Variants in ZNRF1 observed in about 807,000 individuals in gnomAD.
ZNRF1 encodes the protein E3 ubiquitin-protein ligase ZNRF1.
ZNRF1 carries 3 observed loss-of-function variants against 18.4 expected under a neutral mutation model. That is an observed-to-expected ratio of 0.16 (90% confidence interval 0.07 to 0.42). The LOEUF is 0.42. Among genes scored for constraint, ZNRF1 ranks in the 10% least tolerant of loss-of-function variants. The probability of loss-of-function intolerance (pLI) is 0.99; values close to 1 mark genes in which losing one functional copy is unlikely to be tolerated. For missense variants in ZNRF1, 310 were observed against 329.8 expected (o/e 0.94, Z 0.47); for synonymous variants, 157 against 144.2 (o/e 1.09, Z -0.64).
intron 1 of ZNRF1, among the ~76,000 whole-genome samples, chr16:75,031,678 T>C (rs946490456): frequency 7.2e-5 from 11 of 152,068 alleles, no homozygotes; most frequent in African/African-American, 2.4e-4. Context: ...GGCTAATTTT[T>C]TGTATTTTCC....
chr16:75,089,868 T>A (rs1464129320), intron 1 of ZNRF1, among the ~76,000 whole-genome samples: 1 of 152,206 alleles, frequency 6.6e-6, no homozygotes, highest in Non-Finnish European at 1.5e-5. Context: ...GGAATCACGC[T>A]GGAATACAGG....
In ZNRF1 at chr16:75,027,047, T is replaced by C. The variant is rs1279692558; in HGVS notation, c.424+26952T>C. Among the ~76,000 whole-genome samples the C allele has an allele frequency of 2.6e-5, 4 of 152,206 alleles. No homozygotes were observed. The South Asian group carries it at 6.2e-4, about 24-fold the overall frequency. ...AGGTGATTCCTGTTAACATTCCTAT[T>C]TCACAGATAAGGAAACCAAGACCCA... On this transcript the variant is annotated intron_variant, in intron 1 of 4. Coordinates refer to ENST00000335325, the MANE Select transcript of ZNRF1 (RefSeq NM_032268.5).
intron 1 of ZNRF1, among the ~76,000 whole-genome samples, chr16:75,060,120 C>T (rs965281520): frequency 2.0e-5 from 3 of 152,050 alleles, no homozygotes; most frequent in African/African-American, 7.3e-5. Flanking sequence ...GTGACACGAT[C>T]TCGGCTCACT....
At chr16:75,061,490 TCTTTTTTATGG>T in intron 1 of ZNRF1, among the ~76,000 whole-genome samples, 1 of 51,074 alleles carries the variant, frequency 2.0e-5, no homozygotes, top group Non-Finnish European at 1.0e-4. Context: ...TGGATCTCAC[TCTTTTTTATGG>T]GTGAATCGTA....
intron 1 of ZNRF1, among the ~76,000 whole-genome samples, chr16:75,029,242 G>A (rs538533945): frequency 6.6e-6 from 1 of 152,170 alleles, no homozygotes; most frequent in East Asian, 1.9e-4. Context: ...CACCTTCCGG[G>A]TTCACGCCAT....
Position 75,071,602 on chromosome 16 carries a change from G to A in ZNRF1, c.425-21970G>A, listed in dbSNP as rs111367642. Reference sequence around the variant, plus strand: ...CCTTACAAGTCATAGCATTTTGGCCGTACTCTGGGTCAGAACAGTCCCAGG... The same window carrying A: ...CCTTACAAGTCATAGCATTTTGGCCATACTCTGGGTCAGAACAGTCCCAGG... On this transcript the variant is annotated intron_variant, in intron 1 of 4. Transcript: ENST00000335325. Among the ~76,000 whole-genome samples the A allele has an allele frequency of 8.0e-3, 1,218 of 152,236 alleles. 25 individuals are homozygous for A. The highest frequency in any genetic ancestry group is 0.027 in the African/African-American group (1,138 of 41,526).
At chr16:75,013,349 A>AT (rs375093001) in intron 1 of ZNRF1, among the ~76,000 whole-genome samples, 17,493 of 143,894 alleles carry the variant, frequency 0.12, 2,154 homozygotes, top group African/African-American at 0.31. Flanking sequence ...TGTCCATTCA[A>AT]TTTTTTTTTT....
chr16:75,095,907 C>T (rs1397321857), intron 2 of ZNRF1, among the ~76,000 whole-genome samples: 4 of 152,268 alleles, frequency 2.6e-5, no homozygotes, highest in South Asian at 2.1e-4. Context: ...GAAACCACAC[C>T]GGGAGCCGGG....
chr16:75,094,497 A>C (rs898067101), intron 2 of ZNRF1, among the ~76,000 whole-genome samples: 2 of 152,180 alleles, frequency 1.3e-5, no homozygotes, highest in African/African-American at 4.8e-5. Flanking sequence ...CTACAATCTT[A>C]TACAAGTTGC....
intron 1 of ZNRF1, among the ~76,000 whole-genome samples, chr16:75,045,950 T>C (rs1597877725): frequency 6.6e-6 from 1 of 152,104 alleles, no homozygotes; most frequent in African/African-American, 2.4e-5. Context: ...TTGCCCAAGC[T>C]AGAGTACAAT....
chr16:75,106,795 A>T, intron 4 of ZNRF1: 1 of 496,982 alleles, frequency 2.0e-6, no homozygotes, highest in South Asian at 2.2e-5. Flanking sequence ...CAGGCTCAGA[A>T]GAGTTAGGAT....
At chr16:75,008,584 C>CT (rs997701484) in intron 1 of ZNRF1, among the ~76,000 whole-genome samples, 2 of 151,992 alleles carry the variant, frequency 1.3e-5, no homozygotes, top group Admixed American at 6.6e-5. Context: ...AAGTATAAGA[C>CT]TTTTTTTTCT....
rs1050277169 is a variant in ZNRF1, at chr16:75,067,460, C to T, written c.425-26112C>T. ...AATACAGTCTGCTACAAGTAAAACC[C>T]GTTCAGAATTCTAATTGGATTTTTT... On this transcript the variant is annotated intron_variant, in intron 1 of 4. Transcript: ENST00000335325. Among the ~76,000 whole-genome samples, 5 of 152,144 alleles carry T rather than the reference C, an allele frequency of 3.3e-5. No individual in the cohort carries two copies. The East Asian group carries it at 7.7e-4, about 23-fold the overall frequency.
At chr16:75,048,916 C>A (rs2035552459) in intron 1 of ZNRF1, among the ~76,000 whole-genome samples, 3 of 152,130 alleles carry the variant, frequency 2.0e-5, no homozygotes, top group Non-Finnish European at 2.9e-5. Context: ...CTATCCTTTT[C>A]ATTTCAAGAA....
At chr16:75,098,714 G>A (rs895965210) in intron 2 of ZNRF1, among the ~76,000 whole-genome samples, 31 of 152,224 alleles carry the variant, frequency 2.0e-4, no homozygotes, top group African/African-American at 7.5e-4. Context: ...TTTCCCCTCT[G>A]ACTCCCACCT....
chr16:75,067,425 A>G (rs1490802021), intron 1 of ZNRF1, among the ~76,000 whole-genome samples: 2 of 152,166 alleles, frequency 1.3e-5, no homozygotes, highest in Non-Finnish European at 2.9e-5. Context: ...TATTGGTGCT[A>G]TCTTTGGAAA....
intron 1 of ZNRF1, among the ~76,000 whole-genome samples, chr16:75,001,702 T>C (rs1192673382): frequency 6.6e-6 from 1 of 152,208 alleles, no homozygotes; most frequent in Non-Finnish European, 1.5e-5. Context: ...ATCACAGAAT[T>C]TTTTGTGTTG....
chr16:75,038,123 A>G (rs1444133077), intron 1 of ZNRF1, among the ~76,000 whole-genome samples: 3 of 152,126 alleles, frequency 2.0e-5, no homozygotes, highest in African/African-American at 7.2e-5. Context: ...AACAAAACCT[A>G]CCTCAAAACT....
At chr16:75,001,068 A>T (rs1293795931) in intron 1 of ZNRF1, among the ~76,000 whole-genome samples, 2 of 152,182 alleles carry the variant, frequency 1.3e-5, no homozygotes. Flanking sequence ...AAAATTGGCC[A>T]AAAGGGATGT....
Sources: gnomAD v4.1 joint callset for allele counts (sites outside exome capture counted in the v4.1 genomes callset) on GRCh38, gnomAD v4.1.1 for gene constraint, MANE v1.5 for transcripts, NCBI Gene and HGNC (gene_info 2026-07-23, HGNC 2026-07-21) for gene names.